NPRL3: variants seen among roughly 807,000 people sequenced by gnomAD.
NPRL3 encodes the protein NPR3 like, GATOR1 complex subunit.
Under a neutral mutation model 57.2 loss-of-function variants are expected in NPRL3, and 23 were observed. The observed-to-expected ratio is 0.40, with a 90% CI of 0.29 to 0.57. The LOEUF (loss-of-function observed/expected upper bound fraction) is 0.57, where lower values mean the gene tolerates loss of function less well. Among genes scored for constraint, NPRL3 ranks in the 20% least tolerant of loss-of-function variants. NPRL3 has a pLI of 0.42. For missense variants in NPRL3, 691 were observed against 767.1 expected, an observed-to-expected ratio of 0.90 and a Z score of 1.17; for synonymous variants, 333 against 321.1, an observed-to-expected ratio of 1.04 and a Z score of -0.39.
At chr16:94,660 G>A (rs369909942) in intron 9 of NPRL3, among the ~76,000 whole-genome samples, 1 of 152,242 alleles carries the variant, frequency 6.6e-6, no homozygotes, top group Non-Finnish European at 1.5e-5. Context: ...GCTGAGACAG[G>A]AGGATTGCTT....
intron 5 of NPRL3, among the ~76,000 whole-genome samples, chr16:117,067 C>T (rs1027311023): frequency 6.6e-6 from 1 of 152,050 alleles, no homozygotes; most frequent in Non-Finnish European, 1.5e-5. Flanking sequence ...GATGGTTATA[C>T]AACATGAATG....
Position 138,301 on chromosome 16 carries a change from GC to G in NPRL3, c.-35del. 2 of 1,484,848 alleles carry G rather than the reference GC, an allele frequency of 1.3e-6. No homozygotes were observed. Among genetic ancestry groups the G allele is most frequent in the Non-Finnish European group, 1.8e-6 (2 of 1,112,820 alleles). 92.0% of individuals were successfully genotyped at this position (1,484,848 alleles called of 1,614,324 possible). On this transcript the variant is annotated 5_prime_UTR_variant, in exon 2 of 14. Transcript: ENST00000611875. ...GGGGCCGGGGCCGGGGGCGGAGGGG[GC>G]CAGAGGAGGACGGAGCCGGAGGCGG...
Position 134,694 on chromosome 16 carries a change from A to ATTTTTT in NPRL3, c.118+3450_118+3455dup, listed in dbSNP as rs34425237. On this transcript the variant is annotated intron_variant, in intron 2 of 13. Transcript: ENST00000611875. ...ACATAAAGTCACAGTAATTATTATT[A>ATTTTTT]TTTTTTTTTTTTTTTTTTTTTTTTT... Among the ~76,000 whole-genome samples the ATTTTTT allele has an allele frequency of 1.2e-3, 126 of 103,418 alleles. 1 individual carries two copies. Among genetic ancestry groups the ATTTTTT allele is most frequent in the East Asian group, 1.6e-3 (6 of 3,734 alleles). 67.8% of individuals were successfully genotyped at this position (103,418 alleles called of 152,430 possible). A position where few individuals can be genotyped will look rare whatever the true frequency, so the allele number is the denominator to read the frequency against.
Position 100,477 on chromosome 16 carries a change from A to T in NPRL3, c.662T>A (p.Ile221Asn), listed in dbSNP as rs780102496. Reference protein sequence around the residue: ...LCTSGVVRLHINSWLEVSFCL... With the variant: ...LCTSGVVRLHNNSWLEVSFCL... ...GAAGCTCACCTCCAGCCAGCTGTTG[A>T]TGTGAAGCCGAACTACGCCCGACGT... Residue 221 changes from isoleucine (I) to asparagine (N), a missense_variant, in exon 8 of 14, where the codon ATC (isoleucine) becomes AAC (asparagine). Coordinates refer to ENST00000611875, the MANE Select transcript of NPRL3 (RefSeq NM_001077350.3). The T allele has an allele frequency of 6.3e-7, 1 of 1,598,596 alleles. No individual in the cohort carries two copies. The highest frequency in any genetic ancestry group is 8.5e-7 in the Non-Finnish European group (1 of 1,174,598).
intron 2 of NPRL3, among the ~76,000 whole-genome samples, 169 bp downstream of exon 2, chr16:137,981 T>C (rs1413292130): frequency 1.3e-5 from 2 of 152,076 alleles, no homozygotes; most frequent in Non-Finnish European, 2.9e-5. Context: ...TGGTGAACAA[T>C]GCATGATTTT....
intron 3 of NPRL3, among the ~76,000 whole-genome samples, chr16:122,996 A>G (rs2141967041): frequency 6.6e-6 from 1 of 152,330 alleles, no homozygotes; most frequent in Admixed American, 6.5e-5. Context: ...TATCAATTCC[A>G]TGAGAACATT....
intron 3 of NPRL3, among the ~76,000 whole-genome samples, chr16:124,329 G>T (rs924215364): frequency 2.0e-5 from 3 of 152,052 alleles, no homozygotes; most frequent in African/African-American, 7.2e-5. Flanking sequence ...CTGTGCAGAA[G>T]TATCTCATCT....
At chr16:94,202 C>G (rs145222619) in intron 9 of NPRL3, among the ~76,000 whole-genome samples, 1 of 152,114 alleles carries the variant, frequency 6.6e-6, no homozygotes, top group African/African-American at 2.4e-5. Flanking sequence ...TCTTGTGGAC[C>G]CTTGAACATC....
intron 9 of NPRL3, among the ~76,000 whole-genome samples, chr16:95,695 G>C (rs1898976632): frequency 6.6e-6 from 1 of 152,080 alleles, no homozygotes; most frequent in African/African-American, 2.4e-5. Context: ...TCAGCCTCCT[G>C]AGTAGCTGGG....
intron 12 of NPRL3, 48 bp from the exon 13 acceptor site, chr16:88,938 CA>C (rs1279108510): frequency 3.2e-6 from 5 of 1,564,262 alleles, no homozygotes; most frequent in Admixed American, 1.8e-5. Flanking sequence ...CCAGGACACC[CA>C]GGGGAACAGC....
At chr16:111,942 G>C (rs1899833460) in intron 6 of NPRL3, among the ~76,000 whole-genome samples, 1 of 152,184 alleles carries the variant, frequency 6.6e-6, no homozygotes, top group African/African-American at 2.4e-5. Flanking sequence ...TGTTACAGGT[G>C]TCTCTTTATG....
intron 4 of NPRL3, among the ~76,000 whole-genome samples, chr16:118,692 C>G (rs798604): frequency 0.15 from 23,447 of 152,214 alleles, 4,532 homozygotes; most frequent in African/African-American, 0.46. Flanking sequence ...ACAGTTCATA[C>G]CAAGTGTCTA....
At chr16:92,453 A>G in intron 11 of NPRL3, 143 bp downstream of exon 11, 1 of 1,033,056 alleles carries the variant, frequency 9.7e-7, no homozygotes, top group Non-Finnish European at 1.4e-6. Flanking sequence ...CTGGGCACGT[A>G]GCACTTGCAC....
At chr16:109,379 C>G (rs1899681700) in intron 7 of NPRL3, among the ~76,000 whole-genome samples, 1 of 151,944 alleles carries the variant, frequency 6.6e-6, no homozygotes, top group Non-Finnish European at 1.5e-5. Context: ...GTCGCAAACC[C>G]CAACTCTCTC....
intron 8 of NPRL3, 130 bp from the exon 9 acceptor site, chr16:98,431 C>G (rs553475791): frequency 2.0e-6 from 2 of 998,558 alleles, no homozygotes; most frequent in Admixed American, 2.5e-5. Context: ...CGGGTATGCA[C>G]CAGGTATGCA....
intron 7 of NPRL3, among the ~76,000 whole-genome samples, chr16:103,182 C>T (rs926936683): frequency 2.0e-5 from 3 of 151,166 alleles, no homozygotes; most frequent in Admixed American, 1.3e-4. Context: ...CTCACTGTTG[C>T]TCAGGCTGGA....
intron 7 of NPRL3, among the ~76,000 whole-genome samples, chr16:102,029 T>C (rs913810659): frequency 3.9e-5 from 6 of 152,198 alleles, no homozygotes; most frequent in African/African-American, 1.4e-4. Context: ...GGCACGGAGC[T>C]GCATTTCCTG....
intron 2 of NPRL3, among the ~76,000 whole-genome samples, chr16:132,527 G>A (rs1216844479): frequency 6.6e-6 from 1 of 152,130 alleles, no homozygotes; most frequent in Non-Finnish European, 1.5e-5. Flanking sequence ...TCCTGTTACT[G>A]TTGATATTTT....
chr16:100,223 T>C, intron 8 of NPRL3, 149 bp downstream of exon 8: 5 of 806,524 alleles, frequency 6.2e-6, no homozygotes, highest in Non-Finnish European at 8.8e-6. Context: ...GTGTTTTAAC[T>C]TCTATAAACG....
Sources: allele counts gnomAD v4.1 joint callset (sites outside exome capture counted in the v4.1 genomes callset), GRCh38; gene constraint gnomAD v4.1.1; transcripts MANE v1.5; gene names NCBI Gene and HGNC (gene_info 2026-07-23, HGNC 2026-07-21).